Variants in CHURC1 observed in about 807,000 individuals in gnomAD.
CHURC1 encodes the protein protein Churchill.
A neutral mutation model predicts 15.4 loss-of-function variants in CHURC1; 12 were observed. The ratio of observed to expected loss-of-function variants is 0.78; its 90% CI spans 0.50 to 1.27. The LOEUF (loss-of-function observed/expected upper bound fraction) is 1.27, where lower values mean the gene tolerates loss of function less well. Among genes scored for constraint, CHURC1 ranks in the 50% most tolerant of loss-of-function variants. The pLI, the probability that CHURC1 is intolerant of heterozygous loss-of-function variation, is 0.00. For missense variants in CHURC1, 132 were observed against 137.8 expected (o/e 0.96, Z 0.21); for synonymous variants, 42 against 47.5 (o/e 0.88, Z 0.48).
intron 1 of CHURC1, among the ~76,000 whole-genome samples, chr14:64,919,101 A>G (rs1030160217): frequency 1.1e-4 from 16 of 152,308 alleles, no homozygotes; most frequent in South Asian, 1.0e-3. Context: ...TTTTAACTCA[A>G]TGGTGAACCA....
At position 64,933,838 on chromosome 14, in the gene CHURC1, AT is replaced by A; in HGVS notation, c.*1609del. The A allele has an allele frequency of 2.0e-6, 2 of 985,242 alleles. No homozygotes were observed. The highest frequency in any genetic ancestry group is 2.4e-6 in the Non-Finnish European group (2 of 829,730). 61.0% of individuals were successfully genotyped at this position (985,242 alleles called of 1,614,324 possible). ...GTTGAATAACAGTAATGATGATAAT[AT>A]CTGAGCTTTATTAAGTACTTACTAC... On this transcript the variant is annotated 3_prime_UTR_variant, in exon 4 of 4. Coordinates refer to ENST00000549115, the MANE Select transcript of CHURC1 (RefSeq NM_001386928.1).
At chr14:64,927,732 T>TCCCCCCCCCCCCCCCCCCCCC (rs1566830855) in intron 3 of CHURC1, among the ~76,000 whole-genome samples, 6 of 106,666 alleles carry the variant, frequency 5.6e-5, no homozygotes, top group Non-Finnish European at 7.6e-5. Flanking sequence ...CCCCCCGCCG[T>TCCCCCCCCCCCCCCCCCCCCC]CAATTCATAC....
chr14:64,933,808 G>C lies in CHURC1; in HGVS notation c.*1578G>C, dbSNP rs1404522342. On this transcript the variant is annotated 3_prime_UTR_variant, in exon 4 of 4. Coordinates refer to ENST00000549115, the MANE Select transcript of CHURC1 (RefSeq NM_001386928.1). ...TGTTCATTGTAGATACTAGGGAAAA[G>C]CTTTGTTGAATAACAGTAATGATGA... 1.0e-6 allele frequency: 1 copy of C among 985,296 alleles called. No homozygotes were observed. Among genetic ancestry groups the C allele is most frequent in the African/African-American group, 1.7e-5 (1 of 57,234 alleles). 61.0% of individuals were successfully genotyped at this position (985,296 alleles called of 1,614,324 possible). A position where few individuals can be genotyped will look rare whatever the true frequency, so the allele number is the denominator to read the frequency against.
Position 64,934,543 on chromosome 14 carries a change from T to G in CHURC1, c.*2313T>G. On this transcript the variant is annotated 3_prime_UTR_variant, in exon 4 of 4. Transcript: ENST00000549115. ...GCATCTGGGCATGTCAGATGAAGAT[T>G]TATTATTCAGAAAAGTTAAGTCAGC... 7 of 985,422 alleles carry G rather than the reference T, an allele frequency of 7.1e-6. No individual in the cohort carries two copies. The highest frequency in any genetic ancestry group is 8.4e-6 in the Non-Finnish European group (7 of 829,924). 61.0% of individuals were successfully genotyped at this position (985,422 alleles called of 1,614,324 possible).
rs1037029718 is a variant in CHURC1 at position 64,933,817 on chromosome 14, A to C, written c.*1587A>C. The C allele has an allele frequency of 9.1e-5, 90 of 985,286 alleles. No homozygotes were observed. Among genetic ancestry groups the C allele is most frequent in the Non-Finnish European group, 1.0e-4 (84 of 829,914 alleles). The allele number at this position is 985,286 out of a possible 1,614,324, so 61.0% of individuals were successfully genotyped here. On this transcript the variant is annotated 3_prime_UTR_variant, in exon 4 of 4. Coordinates refer to ENST00000549115, the MANE Select transcript of CHURC1 (RefSeq NM_001386928.1). ...TAGATACTAGGGAAAAGCTTTGTTG[A>C]ATAACAGTAATGATGATAATATCTG...
intron 1 of CHURC1, among the ~76,000 whole-genome samples, chr14:64,923,265 T>C: frequency 1.2e-5 from 1 of 83,460 alleles, no homozygotes; most frequent in Non-Finnish European, 2.3e-5. Context: ...AGACCCCATC[T>C]CAATTACCAA....
chr14:64,915,412 T>C (rs1883810394), intron 1 of CHURC1, among the ~76,000 whole-genome samples: 1 of 152,238 alleles, frequency 6.6e-6, no homozygotes, highest in Non-Finnish European at 1.5e-5. Flanking sequence ...AGAAATGCTA[T>C]TCAAGTTTAG....
At chr14:64,922,321 G>A (rs1195420110) in intron 1 of CHURC1, among the ~76,000 whole-genome samples, 1 of 151,968 alleles carries the variant, frequency 6.6e-6, no homozygotes, top group African/African-American at 2.4e-5. Context: ...GCTCATTCCT[G>A]TAATCCCAGC....
chr14:64,922,217 C>A (rs1566828526), intron 1 of CHURC1, among the ~76,000 whole-genome samples: 1 of 152,006 alleles, frequency 6.6e-6, no homozygotes, highest in East Asian at 1.9e-4. Flanking sequence ...AAGTCATTCA[C>A]CTATGTATAC....
chr14:64,931,848 C>G (rs890707367), intron 3 of CHURC1, among the ~76,000 whole-genome samples: 4 of 152,132 alleles, frequency 2.6e-5, no homozygotes, highest in South Asian at 4.1e-4. Context: ...CCATAGGGAC[C>G]CACACTCAAA....
intron 1 of CHURC1, among the ~76,000 whole-genome samples, chr14:64,920,338 T>TA (rs1884189693): frequency 6.6e-6 from 1 of 152,246 alleles, no homozygotes; most frequent in Non-Finnish European, 1.5e-5. Context: ...GGTCTACTGT[T>TA]ATTATTGTGG....
intron 1 of CHURC1, among the ~76,000 whole-genome samples, chr14:64,914,764 G>A (rs1883742812): frequency 6.6e-6 from 1 of 152,206 alleles, no homozygotes; most frequent in African/African-American, 2.4e-5. Context: ...TGAGCTCCAA[G>A]GAGCAACAGA....
chr14:64,928,576 T>A (rs1157779274), intron 3 of CHURC1, among the ~76,000 whole-genome samples: 40 of 152,168 alleles, frequency 2.6e-4, no homozygotes, highest in Non-Finnish European at 5.9e-5. Flanking sequence ...CCTATTTTCC[T>A]TATTTTCCTA....
rs1033088131 is a variant in CHURC1, at chr14:64,923,998, C to T, written c.47C>T (p.Thr16Ile). The change falls in exon 2 of 4, where the codon ACC (threonine) becomes ATC (isoleucine). Residue 16 changes from threonine (T) to isoleucine (I), a missense_variant. Physicochemically the swap from Thr to Ile is moderately conservative, Grantham distance 89. Transcript: ENST00000549115. ...VEKEYPNRGN[T>I]CLENGSFLLN... ...CTGTTTCTGATATTTTAGGGTAATA[C>T]CTGCCTGGAGAATGGATCTTTCTTA... is the stretch of plus-strand genomic sequence containing the variant. The T allele has an allele frequency of 2.6e-6, 4 of 1,560,802 alleles. No homozygotes were observed. The highest frequency in any genetic ancestry group is 3.5e-6 in the Non-Finnish European group (4 of 1,150,892).
At chr14:64,920,646 C>T (rs537078229) in intron 1 of CHURC1, among the ~76,000 whole-genome samples, 1 of 152,356 alleles carries the variant, frequency 6.6e-6, no homozygotes, top group African/African-American at 2.4e-5. Flanking sequence ...CTTAGACTCA[C>T]ATTCAGCCTA....
intron 3 of CHURC1, among the ~76,000 whole-genome samples, chr14:64,928,286 C>T (rs1031570774): frequency 2.6e-5 from 4 of 152,078 alleles, no homozygotes; most frequent in African/African-American, 4.8e-5. Flanking sequence ...CTTACTCTGC[C>T]GCCCAAGATG....
In CHURC1 at chr14:64,935,237, TGAC is replaced by T. The variant is rs1365369992; in HGVS notation, c.*3010_*3012del. ...ATTAGGAGATATACCTGATGCTAAA[TGAC>T]GAGTTAGTGGGTGCAGCACACCAGC... is the stretch of plus-strand genomic sequence containing the variant. On this transcript the variant is annotated 3_prime_UTR_variant, in exon 4 of 4. Transcript: ENST00000549115. 3.8e-6 allele frequency: 1 copy of T among 263,620 alleles called. No homozygotes were observed. The highest frequency in any genetic ancestry group is 1.8e-4 in the East Asian group (1 of 5,660). The allele number at this position is 263,620 out of a possible 1,614,324, so 16.3% of individuals were successfully genotyped here.
chr14:64,918,883 A>G (rs551932630), intron 1 of CHURC1, among the ~76,000 whole-genome samples: 9 of 152,240 alleles, frequency 5.9e-5, no homozygotes, highest in Non-Finnish European at 1.2e-4. Flanking sequence ...CTCTAAGTGT[A>G]GAATGAGTAA....
Position 64,914,512 on chromosome 14 carries a change from T to G in CHURC1, c.17T>G (p.Val6Gly), listed in dbSNP as rs760385621. ...TGCGTCGCGATGTGTGGCGACTGTGTGGAGAAGGAATATCCCAACCGGGTG... is the reference window on the plus strand; with the variant it reads ...TGCGTCGCGATGTGTGGCGACTGTGGGGAGAAGGAATATCCCAACCGGGTG... MCGDC[V>G]EKEYPNRGNT... The change falls in exon 1 of 4, where the codon GTG (valine) becomes GGG (glycine). Residue 6 changes from valine to glycine, a missense_variant. By Grantham distance (109) the Val-to-Gly change is moderately radical. Coordinates refer to ENST00000549115, the MANE Select transcript of CHURC1 (RefSeq NM_001386928.1). 2 of 1,614,236 alleles carry G rather than the reference T, an allele frequency of 1.2e-6. No individual in the cohort carries two copies. The highest frequency in any genetic ancestry group is 2.2e-5 in the South Asian group (2 of 91,086).
Sources: allele counts gnomAD v4.1 joint callset (sites outside exome capture counted in the v4.1 genomes callset), GRCh38; gene constraint gnomAD v4.1.1; transcripts MANE v1.5; gene names NCBI Gene and HGNC (gene_info 2026-07-23, HGNC 2026-07-21).